The following HAUS8 variants were observed in gnomAD, a reference collection of about 807,000 sequenced individuals.
The protein encoded by HAUS8 is HAUS augmin like complex subunit 8, also known as HAUS augmin-like complex subunit 8.
HAUS8 carries 38 observed loss-of-function variants against 42.9 expected under a neutral mutation model. The observed-to-expected ratio is 0.89, with a 90% CI of 0.68 to 1.16. The LOEUF (loss-of-function observed/expected upper bound fraction) is 1.16, where lower values mean the gene tolerates loss of function less well. Ranked by LOEUF, HAUS8 falls within the 50% of genes most tolerant of loss-of-function variation. The pLI, the probability that HAUS8 is intolerant of heterozygous loss-of-function variation, is 0.00. For synonymous variants in HAUS8, 199 were observed against 205.8 expected (o/e 0.97, Z 0.28); for missense variants, 494 against 511.6 (o/e 0.97, Z 0.33).
At chr19:17,050,249 G>T in intron 10 of HAUS8, 73 bp from the exon 11 acceptor site, 1 of 1,183,618 alleles carries the variant, frequency 8.4e-7, no homozygotes, top group Non-Finnish European at 1.1e-6. Context: ...TGAACGGAGG[G>T]CTGCCACACG....
intron 9 of HAUS8, 101 bp downstream of exon 9, chr19:17,055,760 G>T: frequency 7.6e-7 from 1 of 1,313,148 alleles, no homozygotes. Context: ...CTTAGTTGGG[G>T]AAGAGGGCAC....
intron 8 of HAUS8, 43 bp from the exon 9 acceptor site, chr19:17,056,045 T>G (rs1200927729): frequency 6.2e-7 from 1 of 1,603,826 alleles, no homozygotes; most frequent in South Asian, 1.1e-5. Flanking sequence ...TGGAGTCCCC[T>G]CTCTGGAAAC....
At chr19:17,055,144 ATATATATATATATATATATATATATAT>A (rs2057315877) in intron 9 of HAUS8, 2 of 2,382 alleles carry the variant, frequency 8.4e-4, no homozygotes, top group Non-Finnish European at 1.4e-3. Flanking sequence ...AAAAAAAAAA[ATATATATATATATATATATATATATAT>A]ATATATATAT....
At chr19:17,075,113 C>T in intron 1 of HAUS8, 1 of 525,930 alleles carries the variant, frequency 1.9e-6, no homozygotes, top group Non-Finnish European at 3.4e-6. Flanking sequence ...GTCATCGGCC[C>T]CATTTCGTAG....
intron 6 of HAUS8, 63 bp downstream of exon 6, chr19:17,059,494 A>C (rs2123368764): frequency 8.6e-7 from 1 of 1,159,188 alleles, no homozygotes; most frequent in East Asian, 2.3e-5. Context: ...TCTGGTTCAG[A>C]GTGGACTCTA....
rs200166884 is a variant in HAUS8 at position 17,073,355 on chromosome 19, G to A, written c.30-20C>T. On this transcript the variant is annotated intron_variant, in intron 1 of 10. Coordinates refer to ENST00000253669, the MANE Select transcript of HAUS8 (RefSeq NM_033417.2). ...GGCTTCCTGCAAGAGAAGAGAGAGA[G>A]GTCTTGTTCACCTCACTACCCAAGA... 9.9e-6 allele frequency: 16 copies of A among 1,612,526 alleles called. No homozygotes were observed. In the South Asian group the frequency reaches 1.3e-4, roughly 13 times the overall value.
chr19:17,075,466 A>C (rs764120181), upstream of HAUS8: 2 of 1,610,590 alleles, frequency 1.2e-6, no homozygotes, highest in African/African-American at 2.7e-5. Flanking sequence ...GGCTTTTCAA[A>C]GCCGGACCCG....
chr19:17,071,646 C>G (rs544066723), intron 2 of HAUS8, among the ~76,000 whole-genome samples: 1 of 152,246 alleles, frequency 6.6e-6, no homozygotes, highest in East Asian at 1.9e-4. Context: ...CTGCCTTGGA[C>G]GGTGGGGAAA....
At chr19:17,068,083 G>GT (rs1160219241) in intron 3 of HAUS8, among the ~76,000 whole-genome samples, 3 of 125,208 alleles carry the variant, frequency 2.4e-5, no homozygotes, top group East Asian at 2.3e-4. Context: ...CTAAAAACCT[G>GT]TTTTTTTATT....
At chr19:17,075,456 G>A (rs753259177), upstream of HAUS8, 7 of 1,612,738 alleles carry the variant, frequency 4.3e-6, no homozygotes, top group East Asian at 1.1e-4. Context: ...CCGACCCGCC[G>A]GCTTTTCAAA....
intron 10 of HAUS8, chr19:17,052,615 G>A (rs1335846765): frequency 6.1e-6 from 3 of 489,822 alleles, no homozygotes; most frequent in Admixed American, 7.3e-5. Context: ...GGTGCTTTTG[G>A]ATGGAGATTT....
intron 10 of HAUS8, chr19:17,051,541 G>A (rs1260817788): frequency 1.3e-5 from 2 of 152,076 alleles, no homozygotes; most frequent in African/African-American, 4.8e-5. Flanking sequence ...ACCTTACCCT[G>A]GAAGGCATTG....
intron 9 of HAUS8, chr19:17,055,149 T>TAC (rs1235553714): frequency 1.6e-3 from 9 of 5,486 alleles, no homozygotes; most frequent in Non-Finnish European, 2.1e-3. Flanking sequence ...AAAAAATATA[T>TAC]ATATATATAT....
intron 9 of HAUS8, among the ~76,000 whole-genome samples, chr19:17,054,195 A>G (rs537484733): frequency 4.6e-5 from 7 of 152,212 alleles, no homozygotes; most frequent in South Asian, 4.2e-4. Flanking sequence ...CTGGGAGGGA[A>G]TATCTTTCTG....
chr19:17,070,818 C>T (rs931588934), intron 2 of HAUS8, among the ~76,000 whole-genome samples: 3 of 152,208 alleles, frequency 2.0e-5, no homozygotes, highest in African/African-American at 7.2e-5. Context: ...GCCTGTAATC[C>T]CAGCACTTTG....
At chr19:17,050,621 C>A (rs949918430) in intron 10 of HAUS8, among the ~76,000 whole-genome samples, 3 of 152,048 alleles carry the variant, frequency 2.0e-5, no homozygotes, top group Non-Finnish European at 4.4e-5. Flanking sequence ...AAATACTGGG[C>A]GCTGTGGCTC....
At chr19:17,070,273 A>G (rs752124897) in intron 2 of HAUS8, among the ~76,000 whole-genome samples, 1 of 151,432 alleles carries the variant, frequency 6.6e-6, no homozygotes, top group Non-Finnish European at 1.5e-5. Context: ...TGAGCCCAGC[A>G]GTCCATTCTC....
Position 17,062,727 on chromosome 19 carries a change from C to T in HAUS8, c.200G>A (p.Arg67Lys), listed in dbSNP as rs1317521566. The T allele has an allele frequency of 6.2e-7, 1 of 1,614,174 alleles. No individual in the cohort carries two copies. The highest frequency in any genetic ancestry group is 1.7e-5 in the Admixed American group (1 of 60,024). Reference sequence around the variant, plus strand: ...GCTTTTCTGGAGCAGGCTGGATTTCCTTCCACCTTCAGACATCTTCCCTCG... The same window carrying T: ...GCTTTTCTGGAGCAGGCTGGATTTCTTTCCACCTTCAGACATCTTCCCTCG... ...QTRGKMSEGG[R>K]KSSLLQKSKA... Residue 67 changes from arginine (R) to lysine (K), a missense_variant, in exon 4 of 11, where the codon AGG (arginine) becomes AAG (lysine). By Grantham distance (26) the Arg-to-Lys change is conservative. Coordinates refer to ENST00000253669, the MANE Select transcript of HAUS8 (RefSeq NM_033417.2).
chr19:17,073,447 A>G (rs2123387906), intron 1 of HAUS8, 112 bp from the exon 2 acceptor site: 1 of 976,192 alleles, frequency 1.0e-6, no homozygotes, highest in Non-Finnish European at 1.7e-6. Context: ...AAGGGCTGCC[A>G]GAGGACAATT....
Sources: allele counts gnomAD v4.1 joint callset (sites outside exome capture counted in the v4.1 genomes callset), GRCh38; gene constraint gnomAD v4.1.1; transcripts MANE v1.5; gene names NCBI Gene and HGNC (gene_info 2026-07-23, HGNC 2026-07-21).